Variants in RASGRF2 observed in about 807,000 individuals in gnomAD.
The protein encoded by RASGRF2 is Ras protein specific guanine nucleotide releasing factor 2.
In RASGRF2, 76 loss-of-function variants were observed where a neutral mutation model predicts 151.0. The observed-to-expected ratio is 0.50, with a 90% CI of 0.42 to 0.61. The LOEUF is 0.61. RASGRF2 is among the 20% of genes least tolerant of loss of function. RASGRF2 has a pLI of 0.00. For synonymous variants in RASGRF2, 504 were observed against 566.5 expected (o/e 0.89, Z 1.57); for missense variants, 1,148 against 1,564.6 (o/e 0.73, Z 4.49).
chr5:81,051,726 G>C (rs1751016747), intron 2 of RASGRF2, among the ~76,000 whole-genome samples: 1 of 152,068 alleles, frequency 6.6e-6, no homozygotes, highest in South Asian at 2.1e-4. Flanking sequence ...CTACTCAGTT[G>C]ATGGCCATTT....
At chr5:81,192,817 T>C (rs879542456) in intron 18 of RASGRF2, among the ~76,000 whole-genome samples, 3 of 152,184 alleles carry the variant, frequency 2.0e-5, no homozygotes, top group Admixed American at 6.5e-5. Flanking sequence ...TGCCTCAGCT[T>C]CCCAGTTTAC....
chr5:81,166,744 G>C (rs1447836611), intron 17 of RASGRF2, among the ~76,000 whole-genome samples: 3 of 152,032 alleles, frequency 2.0e-5, no homozygotes, highest in Non-Finnish European at 4.4e-5. Flanking sequence ...TTCATCCAAG[G>C]AGACACTAAG....
At chr5:81,153,013 AGTT>A (rs1223748761) in intron 17 of RASGRF2, among the ~76,000 whole-genome samples, 1 of 152,210 alleles carries the variant, frequency 6.6e-6, no homozygotes, top group African/African-American at 2.4e-5. Flanking sequence ...ACTAGCCTGA[AGTT>A]GTGATTCTGG....
At chr5:81,204,973 C>A (rs574342792) in intron 19 of RASGRF2, among the ~76,000 whole-genome samples, 26 of 152,182 alleles carry the variant, frequency 1.7e-4, no homozygotes, top group Non-Finnish European at 3.4e-4. Flanking sequence ...AATTATGGAG[C>A]CACAGATCTC....
intron 1 of RASGRF2, among the ~76,000 whole-genome samples, chr5:80,967,329 A>T (rs896922395): frequency 5.3e-5 from 8 of 152,216 alleles, no homozygotes; most frequent in Admixed American, 2.6e-4. Flanking sequence ...TGGAGGTTGC[A>T]GTTAGTCGAG....
At position 81,095,144 on chromosome 5, in the gene RASGRF2, G is replaced by T. The variant is rs934495717; in HGVS notation, c.1755+152G>T. 14 of 550,990 alleles carry T rather than the reference G, an allele frequency of 2.5e-5. No homozygotes were observed. The African/African-American group carries it at 2.7e-4, about 11-fold the overall frequency. 34.1% of individuals were successfully genotyped at this position (550,990 alleles called of 1,614,324 possible). On this transcript the variant is annotated intron_variant, in intron 12 of 26. Coordinates refer to ENST00000265080, the MANE Select transcript of RASGRF2 (RefSeq NM_006909.3). ...ATCACTATGTATCTTGATAAGCTGT[G>T]ATCATTATCATTTTTGTTGTTGTTG...
intron 1 of RASGRF2, among the ~76,000 whole-genome samples, chr5:80,961,739 C>A (rs1264517436): frequency 6.6e-6 from 1 of 152,126 alleles, no homozygotes; most frequent in Non-Finnish European, 1.5e-5. Flanking sequence ...ATGAATGCGA[C>A]CTTTTAATTC....
chr5:81,028,955 C>T (rs1209443449), intron 1 of RASGRF2, among the ~76,000 whole-genome samples: 3 of 152,244 alleles, frequency 2.0e-5, no homozygotes, highest in Admixed American at 2.0e-4. Flanking sequence ...CAACCTAACA[C>T]TGCGCTTTTC....
intron 12 of RASGRF2, among the ~76,000 whole-genome samples, chr5:81,102,206 A>G (rs149427765): frequency 6.6e-6 from 1 of 152,196 alleles, no homozygotes; most frequent in Admixed American, 6.5e-5. Context: ...TCCACATCCT[A>G]GGAGTATTAA....
At chr5:81,180,150 C>T (rs914633351) in intron 17 of RASGRF2, 25 bp from the exon 18 acceptor site, 43 of 1,403,318 alleles carry the variant, frequency 3.1e-5, no homozygotes, top group Middle Eastern at 3.5e-4. Context: ...AACTGCAACA[C>T]GTGTGTGTTT....
At chr5:81,224,362 AG>A in intron 26 of RASGRF2, among the ~76,000 whole-genome samples, 1 of 152,352 alleles carries the variant, frequency 6.6e-6, no homozygotes, top group East Asian at 1.9e-4. Flanking sequence ...GAAGCTTTGC[AG>A]GTCATTTTCC....
Position 81,167,392 on chromosome 5 carries a change from A to G in RASGRF2, c.2687-12783A>G, listed in dbSNP as rs1754537770. 2.0e-5 allele frequency among the ~76,000 whole-genome samples: 3 copies of G among 152,320 alleles called. No homozygotes were observed. In the South Asian group the frequency reaches 6.2e-4, roughly 32 times the overall value. On this transcript the variant is annotated intron_variant, in intron 17 of 26. Coordinates refer to ENST00000265080, the MANE Select transcript of RASGRF2 (RefSeq NM_006909.3). ...GGGCAGAAAAGCATCACCAGTAGGG[A>G]CACAAACAAGAGAAACTGCAAAACC...
At chr5:81,206,540 G>T (rs2112723004) in intron 19 of RASGRF2, among the ~76,000 whole-genome samples, 1 of 152,304 alleles carries the variant, frequency 6.6e-6, no homozygotes, top group South Asian at 2.1e-4. Context: ...ATTATGGATG[G>T]TAACTCAGAG....
At chr5:81,091,482 G>A (rs924906419) in intron 9 of RASGRF2, among the ~76,000 whole-genome samples, 1 of 152,110 alleles carries the variant, frequency 6.6e-6, no homozygotes, top group Non-Finnish European at 1.5e-5. Flanking sequence ...CAGAATAGCT[G>A]CCTACTCTGT....
chr5:80,973,026 T>C (rs1561533024), intron 1 of RASGRF2, among the ~76,000 whole-genome samples: 1 of 152,348 alleles, frequency 6.6e-6, no homozygotes, highest in East Asian at 1.9e-4. Context: ...ACGGTGTCTT[T>C]AATGAACAGA....
At chr5:81,013,513 C>T (rs1312378486) in intron 1 of RASGRF2, among the ~76,000 whole-genome samples, 2 of 152,040 alleles carry the variant, frequency 1.3e-5, no homozygotes, top group Non-Finnish European at 2.9e-5. Flanking sequence ...GGAGCTCATG[C>T]ACAATTCCCT....
In RASGRF2 at chr5:81,073,370, T is replaced by A. The variant is rs1296763745; in HGVS notation, c.805T>A (p.Phe269Ile). Residue 269 changes from phenylalanine to isoleucine, a missense_variant, in exon 5 of 27, where the codon TTT (phenylalanine) becomes ATT (isoleucine). By Grantham distance (21) the Phe-to-Ile change is conservative. Transcript: ENST00000265080. Reference sequence around the variant, plus strand: ...CCAGCTCTACATCCTGGTCAATGGCTTTCTCCGGCCCCTGCGTATGGCCGC... The same window carrying A: ...CCAGCTCTACATCCTGGTCAATGGCATTCTCCGGCCCCTGCGTATGGCCGC... ...VHQLYILVNG[F>I]LRPLRMAASS... 1 of 1,614,154 alleles carries A rather than the reference T, an allele frequency of 6.2e-7. No homozygotes were observed.
intron 1 of RASGRF2, among the ~76,000 whole-genome samples, chr5:81,000,369 G>C (rs1749039739): frequency 6.6e-6 from 1 of 152,212 alleles, no homozygotes; most frequent in South Asian, 2.1e-4. Context: ...AGCCTCCTGA[G>C]TAGTTAGGAT....
intron 18 of RASGRF2, among the ~76,000 whole-genome samples, chr5:81,189,068 T>C (rs1390506416): frequency 1.3e-5 from 2 of 152,244 alleles, no homozygotes; most frequent in Non-Finnish European, 2.9e-5. Context: ...TGCTAAAGGC[T>C]GGTGCAGGGA....
Sources: allele counts gnomAD v4.1 joint callset (sites outside exome capture counted in the v4.1 genomes callset), GRCh38; gene constraint gnomAD v4.1.1; transcripts MANE v1.5; gene names NCBI Gene and HGNC (gene_info 2026-07-23, HGNC 2026-07-21).